MAGI2: variants seen among roughly 807,000 people sequenced by gnomAD.
MAGI2 encodes the protein membrane-associated guanylate kinase, WW and PDZ domain-containing protein 2.
MAGI2 carries 35 observed loss-of-function variants against 133.3 expected under a neutral mutation model. That is an observed-to-expected ratio of 0.26 (90% CI 0.20 to 0.35). The LOEUF (loss-of-function observed/expected upper bound fraction) is 0.35. Among genes scored for constraint, MAGI2 ranks in the 10% least tolerant of loss-of-function variants. MAGI2 has a pLI of 1.00. For synonymous variants in MAGI2, 729 were observed against 710.6 expected (o/e 1.03, Z -0.41); for missense variants, 1,636 against 1,863.4 (o/e 0.88, Z 2.25).
chr7:78,340,823 A>T (rs547016482), intron 9 of MAGI2, among the ~76,000 whole-genome samples: 1 of 152,282 alleles, frequency 6.6e-6, no homozygotes, highest in African/African-American at 2.4e-5. Flanking sequence ...AATAAGAGCT[A>T]TTTATGACAA....
chr7:78,521,116 C>T (rs1029421086), intron 4 of MAGI2, among the ~76,000 whole-genome samples: 16 of 151,966 alleles, frequency 1.1e-4, no homozygotes, highest in Non-Finnish European at 1.9e-4. Flanking sequence ...AAGTTTCAAT[C>T]ATTCACTATA....
chr7:78,260,287 A>G (rs1270016451), intron 9 of MAGI2, among the ~76,000 whole-genome samples: 1 of 152,112 alleles, frequency 6.6e-6, no homozygotes, highest in Non-Finnish European at 1.5e-5. Flanking sequence ...AATATAAGAC[A>G]CCTGGTATAT....
chr7:78,908,312 G>A (rs916206346), intron 2 of MAGI2, among the ~76,000 whole-genome samples: 3 of 152,192 alleles, frequency 2.0e-5, no homozygotes, highest in Non-Finnish European at 4.4e-5. Flanking sequence ...TCTGAAATAG[G>A]AAGTATACCA....
intron 1 of MAGI2, among the ~76,000 whole-genome samples, chr7:79,425,719 G>C (rs1039151681): frequency 1.3e-5 from 2 of 151,406 alleles, no homozygotes; most frequent in African/African-American, 4.9e-5. Flanking sequence ...TTATAGTCTT[G>C]TTATATCTGC....
At chr7:78,493,466 G>A (rs1321715319) in intron 5 of MAGI2, among the ~76,000 whole-genome samples, 1 of 152,134 alleles carries the variant, frequency 6.6e-6, no homozygotes, top group East Asian at 1.9e-4. Context: ...CTCATTTAAT[G>A]CTAATGAGCC....
At position 79,186,237 on chromosome 7, in the gene MAGI2, TA is replaced by T. The variant is rs1479268356; in HGVS notation, c.302-179032del. 5.8e-4 allele frequency among the ~76,000 whole-genome samples: 46 copies of T among 79,716 alleles called. 2 individuals carry two copies. The highest frequency in any genetic ancestry group is 1.5e-3 in the African/African-American group (43 of 27,982). The allele number at this position is 79,716 out of a possible 152,430, so 52.3% of individuals were successfully genotyped here. On this transcript the variant is annotated intron_variant, in intron 1 of 21. Coordinates refer to ENST00000354212, the MANE Select transcript of MAGI2 (RefSeq NM_012301.4). Reference sequence around the variant, plus strand: ...ATATATATATATATATATATATATATATATATTTATATTTATTTATTTATAA... The same window carrying T: ...ATATATATATATATATATATATATATTATATTTATATTTATTTATTTATAA...
rs112841525 is a variant in MAGI2, at chr7:78,425,477, C to T, written c.1046-56264G>A. ...TAGGGAAAATGTGTTTACTTGAGGT[C>T]ACAGAGATTATACATGGTAGAGTTG... On this transcript the variant is annotated intron_variant, in intron 6 of 21. Transcript: ENST00000354212. Among the ~76,000 whole-genome samples, 1,151 of 152,254 alleles carry T rather than the reference C, an allele frequency of 7.6e-3. 14 individuals carry two copies. The highest frequency in any genetic ancestry group is 0.012 in the Non-Finnish European group (835 of 68,018).
intron 1 of MAGI2, among the ~76,000 whole-genome samples, chr7:79,358,040 G>A (rs1563149039): frequency 6.6e-6 from 1 of 151,808 alleles, no homozygotes; most frequent in Non-Finnish European, 1.5e-5. Flanking sequence ...CCCTATTTAA[G>A]TGTTTGAAAT....
intron 20 of MAGI2, among the ~76,000 whole-genome samples, chr7:78,083,900 T>C (rs1400567154): frequency 1.3e-5 from 2 of 152,254 alleles, no homozygotes; most frequent in Non-Finnish European, 2.9e-5. Flanking sequence ...TTAAACTCTG[T>C]ACTGTATGCA....
chr7:78,967,762 C>T (rs1258468780), intron 2 of MAGI2, among the ~76,000 whole-genome samples: 2 of 151,968 alleles, frequency 1.3e-5, no homozygotes, highest in Non-Finnish European at 2.9e-5. Flanking sequence ...ATTATATACG[C>T]ATGGCTTATT....
chr7:78,935,650 A>C (rs1448765043), intron 2 of MAGI2, among the ~76,000 whole-genome samples: 1 of 152,084 alleles, frequency 6.6e-6, no homozygotes, highest in African/African-American at 2.4e-5. Flanking sequence ...TGAAATTAGA[A>C]TAGGAAGAGA....
intron 2 of MAGI2, among the ~76,000 whole-genome samples, chr7:78,763,543 C>T (rs896914160): frequency 6.6e-6 from 1 of 152,178 alleles, no homozygotes; most frequent in African/African-American, 2.4e-5. Flanking sequence ...CTTATATACT[C>T]TGGCTTTTCT....
intron 2 of MAGI2, among the ~76,000 whole-genome samples, chr7:78,833,605 G>T (rs1267731725): frequency 6.6e-6 from 1 of 152,162 alleles, no homozygotes; most frequent in Non-Finnish European, 1.5e-5. Context: ...AAGTGGGCTT[G>T]GGTGTGTCCC....
chr7:78,550,944 T>A (rs1031021216), intron 3 of MAGI2, among the ~76,000 whole-genome samples: 20 of 152,158 alleles, frequency 1.3e-4, no homozygotes, highest in African/African-American at 4.6e-4. Flanking sequence ...TAAAATTGAT[T>A]TTTTTATTAT....
intron 9 of MAGI2, among the ~76,000 whole-genome samples, chr7:78,306,645 A>T (rs1048314189): frequency 1.3e-5 from 2 of 152,136 alleles, no homozygotes; most frequent in Non-Finnish European, 2.9e-5. Flanking sequence ...TTCAGCACCA[A>T]ATGACTGTAT....
intron 2 of MAGI2, among the ~76,000 whole-genome samples, chr7:78,936,827 A>C (rs909535153): frequency 6.6e-6 from 1 of 152,076 alleles, no homozygotes; most frequent in African/African-American, 2.4e-5. Flanking sequence ...TGCAATCAGA[A>C]ATATCAAAAG....
At chr7:78,677,688 G>C (rs777075674) in intron 2 of MAGI2, among the ~76,000 whole-genome samples, 2 of 151,984 alleles carry the variant, frequency 1.3e-5, no homozygotes, top group African/African-American at 2.4e-5. Flanking sequence ...GGATTTACTG[G>C]GGATTCTTCT....
At chr7:78,809,674 G>T (rs1189366608) in intron 2 of MAGI2, among the ~76,000 whole-genome samples, 1 of 151,850 alleles carries the variant, frequency 6.6e-6, no homozygotes, top group Non-Finnish European at 1.5e-5. Context: ...CAGATTGTGG[G>T]CACAGAAAAT....
intron 21 of MAGI2, among the ~76,000 whole-genome samples, chr7:78,052,864 A>T (rs1311607758): frequency 6.6e-6 from 1 of 151,800 alleles, no homozygotes; most frequent in Non-Finnish European, 1.5e-5. Context: ...TTTTGGTAGG[A>T]TTTTTTTAAA....
Sources: gnomAD v4.1 joint callset for allele counts (sites outside exome capture counted in the v4.1 genomes callset) on GRCh38, gnomAD v4.1.1 for gene constraint, MANE v1.5 for transcripts, NCBI Gene and HGNC (gene_info 2026-07-23, HGNC 2026-07-21) for gene names.